JAK2: variants seen among roughly 807,000 people sequenced by gnomAD.
The protein encoded by JAK2 is Janus kinase 2.
A neutral mutation model predicts 139.3 loss-of-function variants in JAK2; 86 were observed. That is an observed-to-expected ratio of 0.62 (90% confidence interval 0.52 to 0.74). The LOEUF is 0.74. Ranked by LOEUF, JAK2 falls within the 30% of genes least tolerant of loss-of-function variation. The probability of loss-of-function intolerance (pLI) is 0.00; values close to 1 mark genes in which losing one functional copy is unlikely to be tolerated. For missense variants in JAK2, 1,421 were observed against 1,360.3 expected (o/e 1.04, Z -0.70); for synonymous variants, 490 against 437.7 (o/e 1.12, Z -1.49).
Position 5,127,354 on chromosome 9 carries a change from T to C in JAK2, c.*563T>C, listed in dbSNP as rs1210748373. 2 of 232,074 alleles carry C rather than the reference T, an allele frequency of 8.6e-6. No individual in the cohort carries two copies. Among genetic ancestry groups the C allele is most frequent in the Non-Finnish European group, 1.7e-5 (2 of 116,966 alleles). The allele number at this position is 232,074 out of a possible 1,614,324, so 14.4% of individuals were successfully genotyped here. ...TTGTGTCCTTGTTCATTTATATCGC[T>C]GGCCAGCATTATAAGCAGGTGTATA... On this transcript the variant is annotated 3_prime_UTR_variant, in exon 25 of 25. Transcript: ENST00000381652.
At chr9:5,039,764 TAAAG>T (rs969035065) in intron 4 of JAK2, among the ~76,000 whole-genome samples, 13 of 152,154 alleles carry the variant, frequency 8.5e-5, no homozygotes, top group Admixed American at 3.3e-4. Context: ...GGAATAAACT[TAAAG>T]AAGTGTAAAA....
At chr9:5,034,100 G>C (rs1823379848) in intron 4 of JAK2, among the ~76,000 whole-genome samples, 1 of 152,138 alleles carries the variant, frequency 6.6e-6, no homozygotes, top group African/African-American at 2.4e-5. Context: ...CCTAGTCTCG[G>C]ATAAAACAGA....
At position 5,126,808 on chromosome 9, in the gene JAK2, T is replaced by C; in HGVS notation, c.*17T>C. The C allele has an allele frequency of 6.7e-7, 1 of 1,485,666 alleles. No homozygotes were observed. Among genetic ancestry groups the C allele is most frequent in the South Asian group, 1.1e-5 (1 of 87,254 alleles). The allele number at this position is 1,485,666 out of a possible 1,614,324, so 92.0% of individuals were successfully genotyped here. On this transcript the variant is annotated 3_prime_UTR_variant, in exon 25 of 25. Coordinates refer to ENST00000381652, the MANE Select transcript of JAK2 (RefSeq NM_004972.4). ...GCTGGATGAAAGAAATGACCTTCAT[T>C]CTGAGACCAAAGTAGATTTACAGAA...
chr9:5,085,073 C>T, intron 19 of JAK2: 1 of 683,878 alleles, frequency 1.5e-6, no homozygotes, highest in Admixed American at 1.8e-5. Context: ...TTACTGCTCT[C>T]TCTTATTGCT....
In JAK2 at chr9:5,032,878, G is replaced by C. The variant is rs190002422; in HGVS notation, c.350+2972G>C. Among the ~76,000 whole-genome samples the C allele has an allele frequency of 6.9e-3, 1,051 of 152,274 alleles. 12 individuals are homozygous for C. The highest frequency in any genetic ancestry group is 0.023 in the African/African-American group (976 of 41,542). On this transcript the variant is annotated intron_variant, in intron 4 of 24. Coordinates refer to ENST00000381652, the MANE Select transcript of JAK2 (RefSeq NM_004972.4). The stretch of plus-strand genomic sequence containing the variant: ...AGGAACGCAGCTCCTTACCAGCAAC[G>C]GAACAAAGCCGGATGGAGAATGACT...
chr9:5,117,128 A>G (rs1317073921), intron 22 of JAK2, among the ~76,000 whole-genome samples: 4 of 152,246 alleles, frequency 2.6e-5, no homozygotes, highest in Admixed American at 2.0e-4. Flanking sequence ...CCTTGGAAGC[A>G]GAGAGCAGCC....
At chr9:5,050,086 A>G (rs1371833297) in intron 5 of JAK2, among the ~76,000 whole-genome samples, 2 of 152,216 alleles carry the variant, frequency 1.3e-5, no homozygotes, top group East Asian at 1.9e-4. Flanking sequence ...GGAGTTCAGT[A>G]TATATTTAAC....
At chr9:5,051,768 C>T (rs992829599) in intron 6 of JAK2, among the ~76,000 whole-genome samples, 1 of 152,160 alleles carries the variant, frequency 6.6e-6, no homozygotes, top group Admixed American at 6.5e-5. Context: ...CTCCCAATAA[C>T]TGGCTTCAGT....
At chr9:5,038,180 C>A (rs62541539) in intron 4 of JAK2, among the ~76,000 whole-genome samples, 5 of 151,910 alleles carry the variant, frequency 3.3e-5, no homozygotes, top group Admixed American at 2.0e-4. Flanking sequence ...TTAATGCCAA[C>A]AAATTAGAGG....
intron 22 of JAK2, among the ~76,000 whole-genome samples, chr9:5,092,218 CAAG>C (rs1208936315): frequency 2.0e-5 from 3 of 152,070 alleles, no homozygotes; most frequent in African/African-American, 7.2e-5. Flanking sequence ...TCTAAGGGCT[CAAG>C]GAGGATTTAG....
intron 2 of JAK2, 87 bp from the exon 3 acceptor site, chr9:5,021,876 G>T: frequency 2.9e-6 from 2 of 688,220 alleles, no homozygotes; most frequent in South Asian, 3.8e-5. Flanking sequence ...CAAGCTATCT[G>T]CCCGCCTCGG....
In JAK2 at chr9:5,085,699, C is replaced by G. The variant is rs1726768036; in HGVS notation, c.2571+3838C>G. 4 of 744,486 alleles carry G rather than the reference C, an allele frequency of 5.4e-6. No individual in the cohort carries two copies. The East Asian group carries it at 9.8e-5, about 18-fold the overall frequency. The allele number at this position is 744,486 out of a possible 1,614,324, so 46.1% of individuals were successfully genotyped here. On this transcript the variant is annotated intron_variant, in intron 19 of 24. Transcript: ENST00000381652. ...GCATTATCAATAACGTCATCGTGAA[C>G]AAGACTAGCAGTGTGGATCATTTCT...
intron 2 of JAK2, among the ~76,000 whole-genome samples, chr9:5,001,920 G>A (rs1415007575): frequency 1.3e-5 from 2 of 151,810 alleles, no homozygotes; most frequent in African/African-American, 4.8e-5. Context: ...GTCTTTCAAG[G>A]AATTTGTTCA....
chr9:5,093,352 G>A (rs1009054819), intron 22 of JAK2, among the ~76,000 whole-genome samples: 25 of 152,080 alleles, frequency 1.6e-4, no homozygotes, highest in African/African-American at 5.1e-4. Flanking sequence ...TATGTTCAAC[G>A]ACCACCATAT....
intron 3 of JAK2, among the ~76,000 whole-genome samples, chr9:5,023,442 C>G (rs955502731): frequency 6.6e-6 from 1 of 152,036 alleles, no homozygotes; most frequent in African/African-American, 2.4e-5. Flanking sequence ...TCGGGGGGAG[C>G]GTGGGACCCA....
chr9:5,090,437 T>C lies in JAK2; in HGVS notation c.2762-9T>C, dbSNP rs1002273573. The C allele has an allele frequency of 6.6e-6, 10 of 1,524,696 alleles. No homozygotes were observed. The African/African-American group carries it at 8.3e-5, about 13-fold the overall frequency. The allele number at this position is 1,524,696 out of a possible 1,614,324, so 94.4% of individuals were successfully genotyped here. ...GAGTAAAACATTATTTCCACCTTTA[T>C]GTTAAAAGGTCGGCGTAATCTAAAA... On this transcript the variant is annotated splice_polypyrimidine_tract_variant and intron_variant, in intron 20 of 24. Coordinates refer to ENST00000381652, the MANE Select transcript of JAK2 (RefSeq NM_004972.4).
intron 2 of JAK2, among the ~76,000 whole-genome samples, chr9:4,994,465 A>C (rs1023801635): frequency 3.9e-5 from 6 of 152,142 alleles, no homozygotes; most frequent in Non-Finnish European, 8.8e-5. Context: ...TTCCCAGGTG[A>C]TCTGATAATG....
chr9:5,058,801 C>G (rs554993918), intron 8 of JAK2, among the ~76,000 whole-genome samples: 1 of 152,054 alleles, frequency 6.6e-6, no homozygotes. Flanking sequence ...TGTTGCTGAG[C>G]GTCTTTTCAT....
chr9:4,994,744 C>A (rs1294811939), intron 2 of JAK2, among the ~76,000 whole-genome samples: 1 of 152,106 alleles, frequency 6.6e-6, no homozygotes, highest in Non-Finnish European at 1.5e-5. Context: ...TCTGCCAATT[C>A]CCAATTTAAA....
Sources: gnomAD v4.1 joint callset for allele counts (sites outside exome capture counted in the v4.1 genomes callset) on GRCh38, gnomAD v4.1.1 for gene constraint, MANE v1.5 for transcripts, NCBI Gene and HGNC (gene_info 2026-07-23, HGNC 2026-07-21) for gene names.